ARHGAP28: variants seen among roughly 807,000 people sequenced by gnomAD.
ARHGAP28 encodes the protein rho GTPase-activating protein 28.
A neutral mutation model predicts 90.7 loss-of-function variants in ARHGAP28; 56 were observed. The observed-to-expected ratio is 0.62, with a 90% CI of 0.50 to 0.77. The LOEUF (loss-of-function observed/expected upper bound fraction) is 0.77, where lower values mean the gene tolerates loss of function less well. Ranked by LOEUF, ARHGAP28 falls within the 30% of genes least tolerant of loss-of-function variation. ARHGAP28 has a pLI of 0.00. For synonymous variants in ARHGAP28, 308 were observed against 323.3 expected (o/e 0.95, Z 0.51); for missense variants, 869 against 900.9 (o/e 0.96, Z 0.45).
chr18:6,876,478 T>C (rs980380232), intron 10 of ARHGAP28, among the ~76,000 whole-genome samples: 1 of 152,236 alleles, frequency 6.6e-6, no homozygotes, highest in South Asian at 2.1e-4. Flanking sequence ...TTGCCTTTAG[T>C]TTGGAAAAAA....
At chr18:6,783,035 C>T (rs1414108758) in intron 1 of ARHGAP28, among the ~76,000 whole-genome samples, 1 of 152,164 alleles carries the variant, frequency 6.6e-6, no homozygotes, top group Non-Finnish European at 1.5e-5. Context: ...CCACAGCCAG[C>T]TCCAACCTGC....
At chr18:6,899,953 T>G (rs2057329690) in intron 16 of ARHGAP28, among the ~76,000 whole-genome samples, 2 of 152,046 alleles carry the variant, frequency 1.3e-5, no homozygotes, top group Admixed American at 1.3e-4. Context: ...CCCCTCCTCT[T>G]TTCTGGTGTC....
chr18:6,844,743 T>G lies in ARHGAP28; in HGVS notation c.544-6291T>G, dbSNP rs554509541. On this transcript the variant is annotated intron_variant, in intron 3 of 17. Coordinates refer to ENST00000383472, the MANE Select transcript of ARHGAP28 (RefSeq NM_001366230.1). ...ACTGGTAAGTTAAGGCAAGGGAAAC[T>G]GAGTGTAAGGAGGTTAGAAAAAAAA... Among the ~76,000 whole-genome samples the G allele has an allele frequency of 2.0e-5, 3 of 152,158 alleles. No individual in the cohort carries two copies. The South Asian group carries it at 6.2e-4, about 32-fold the overall frequency.
intron 16 of ARHGAP28, among the ~76,000 whole-genome samples, chr18:6,902,054 T>C (rs1021500980): frequency 1.3e-5 from 2 of 152,136 alleles, no homozygotes; most frequent in Admixed American, 1.3e-4. Context: ...TCTCACAATC[T>C]TTAATTACAT....
chr18:6,741,035 G>A (rs1280684948), intron 1 of ARHGAP28, among the ~76,000 whole-genome samples: 1 of 152,184 alleles, frequency 6.6e-6, no homozygotes, highest in African/African-American at 2.4e-5. Flanking sequence ...AAAAGGTGGT[G>A]TCGATTATGA....
Position 6,873,714 on chromosome 18 carries a change from T to G in ARHGAP28, c.1151T>G (p.Val384Gly). 4 of 1,613,862 alleles carry G rather than the reference T, an allele frequency of 2.5e-6. No homozygotes were observed. Among genetic ancestry groups the G allele is most frequent in the Non-Finnish European group, 3.4e-6 (4 of 1,179,932 alleles). Residue 384 changes from valine to glycine, a missense_variant, in exon 9 of 18, where the codon GTC becomes GGC. Coordinates refer to ENST00000383472, the MANE Select transcript of ARHGAP28 (RefSeq NM_001366230.1). ...GGGATTTTTGGAGTTCCACTTACAGTCCTCCTGGACGGTGACCGAAAGAAA... is the reference window on the plus strand; with the variant it reads ...GGGATTTTTGGAGTTCCACTTACAGGCCTCCTGGACGGTGACCGAAAGAAA... ...DNGIFGVPLT[V>G]LLDGDRKKDP...
At chr18:6,900,924 AC>A (rs773071280) in intron 16 of ARHGAP28, among the ~76,000 whole-genome samples, 10 of 152,196 alleles carry the variant, frequency 6.6e-5, no homozygotes, top group Admixed American at 6.5e-4. Flanking sequence ...AAATGAGGAC[AC>A]CAATTCAAAT....
At chr18:6,796,547 A>G (rs1433817336) in intron 1 of ARHGAP28, among the ~76,000 whole-genome samples, 6 of 152,224 alleles carry the variant, frequency 3.9e-5, no homozygotes, top group Admixed American at 3.3e-4. Flanking sequence ...GAAAAGGTAC[A>G]TTGTCATACA....
intron 3 of ARHGAP28, among the ~76,000 whole-genome samples, chr18:6,847,838 A>ACTGCAAAGGGATACAGAGCAAAAT (rs1368278602): frequency 6.6e-6 from 1 of 152,178 alleles, no homozygotes; most frequent in African/African-American, 2.4e-5. Context: ...TGGAATTGTT[A>ACTGCAAAGGGATACAGAGCAAAAT]CTGCAAAGGG....
intron 16 of ARHGAP28, among the ~76,000 whole-genome samples, chr18:6,907,835 G>A (rs958090567): frequency 6.6e-6 from 1 of 152,116 alleles, no homozygotes; most frequent in Non-Finnish European, 1.5e-5. Flanking sequence ...GGATGCACCT[G>A]TATTACTTCT....
chr18:6,844,707 A>G (rs1320970259), intron 3 of ARHGAP28, among the ~76,000 whole-genome samples: 2 of 152,186 alleles, frequency 1.3e-5, no homozygotes, highest in Middle Eastern at 3.2e-3. Context: ...AATTCCCTGT[A>G]GAAACGGTCA....
At chr18:6,769,804 A>G (rs1187953206) in intron 1 of ARHGAP28, among the ~76,000 whole-genome samples, 2 of 152,348 alleles carry the variant, frequency 1.3e-5, no homozygotes, top group Non-Finnish European at 2.9e-5. Flanking sequence ...GGAACCCTGT[A>G]CTTACACATT....
At chr18:6,875,269 C>T (rs188965272) in intron 9 of ARHGAP28, among the ~76,000 whole-genome samples, 1 of 152,286 alleles carries the variant, frequency 6.6e-6, no homozygotes, top group African/African-American at 2.4e-5. Context: ...GCTACGACAC[C>T]TCAAGATAGT....
At chr18:6,898,956 A>G (rs562431230) in intron 16 of ARHGAP28, among the ~76,000 whole-genome samples, 2 of 151,982 alleles carry the variant, frequency 1.3e-5, no homozygotes, top group Non-Finnish European at 2.9e-5. Flanking sequence ...GGAGATGGGT[A>G]CACCAAAATC....
intron 1 of ARHGAP28, among the ~76,000 whole-genome samples, chr18:6,782,929 C>T (rs1442680024): frequency 1.3e-5 from 2 of 151,926 alleles, no homozygotes; most frequent in East Asian, 3.9e-4. Flanking sequence ...CTTGGAAATC[C>T]ATCAGTAACA....
intron 5 of ARHGAP28, among the ~76,000 whole-genome samples, chr18:6,863,637 A>G (rs561921013): frequency 2.0e-5 from 3 of 151,864 alleles, no homozygotes; most frequent in Non-Finnish European, 4.4e-5. Context: ...TCTTTTCTGT[A>G]CCTTGGAGCC....
rs922900125 is a variant in ARHGAP28, at chr18:6,748,665, C to T, written c.122+18722C>T. Among the ~76,000 whole-genome samples the T allele has an allele frequency of 2.0e-5, 3 of 152,272 alleles. No homozygotes were observed. The East Asian group carries it at 5.8e-4, about 29-fold the overall frequency. On this transcript the variant is annotated intron_variant, in intron 1 of 17. Coordinates refer to ENST00000383472, the MANE Select transcript of ARHGAP28 (RefSeq NM_001366230.1). ...AAAAATGTTGGCAATCAACATTTAA[C>T]AAGGTCAGGGCCCAAGAAGGTACTG...
chr18:6,852,878 T>C (rs939314201), intron 4 of ARHGAP28, among the ~76,000 whole-genome samples: 4 of 152,184 alleles, frequency 2.6e-5, no homozygotes, highest in Non-Finnish European at 5.9e-5. Flanking sequence ...CTCAAATCTG[T>C]CTCACTGAGC....
intron 12 of ARHGAP28, among the ~76,000 whole-genome samples, chr18:6,888,539 G>A (rs1017830419): frequency 2.0e-5 from 3 of 152,192 alleles, no homozygotes; most frequent in African/African-American, 4.8e-5. Flanking sequence ...ACAGAGATCA[G>A]CTATGACATA....
Sources: gnomAD v4.1 joint callset for allele counts (sites outside exome capture counted in the v4.1 genomes callset) on GRCh38, gnomAD v4.1.1 for gene constraint, MANE v1.5 for transcripts, NCBI Gene and HGNC (gene_info 2026-07-23, HGNC 2026-07-21) for gene names.